NEK11: variants seen among roughly 807,000 people sequenced by gnomAD.
NEK11 encodes NIMA related kinase 11.
NEK11 carries 72 observed loss-of-function variants against 80.7 expected under a neutral mutation model. That is an observed-to-expected ratio of 0.89 (90% confidence interval 0.74 to 1.08). The LOEUF is 1.08. Ranked by LOEUF, NEK11 falls within the 50% of genes least tolerant of loss-of-function variation. The pLI is 0.00. For missense variants in NEK11, 764 were observed against 763.6 expected (o/e 1.00, Z -0.01); for synonymous variants, 251 against 260.7 (o/e 0.96, Z 0.36).
In NEK11 at chr3:131,232,582, C is replaced by T. The variant is rs190564834; in HGVS notation, c.1560+3894C>T. Among the ~76,000 whole-genome samples, 24 of 152,330 alleles carry T rather than the reference C, an allele frequency of 1.6e-4. 1 individual carries two copies. Among genetic ancestry groups the T allele is most frequent in the African/African-American group, 5.8e-4 (24 of 41,576 alleles). On this transcript the variant is annotated intron_variant, in intron 15 of 17. Transcript: ENST00000383366. Reference sequence around the variant, plus strand: ...CAGAGTTCCACTATTCCAGTTAATTCTGAAGTTCTCAATGCTTTTTCCCCA... The same window carrying T: ...CAGAGTTCCACTATTCCAGTTAATTTTGAAGTTCTCAATGCTTTTTCCCCA...
chr3:131,091,141 A>C (rs758231444), intron 4 of NEK11, among the ~76,000 whole-genome samples: 9 of 152,206 alleles, frequency 5.9e-5, no homozygotes, highest in Non-Finnish European at 1.2e-4. Flanking sequence ...AAATAGGAAG[A>C]ATAACTTAAG....
At chr3:131,043,738 C>T (rs2066898774) in intron 3 of NEK11, among the ~76,000 whole-genome samples, 1 of 152,186 alleles carries the variant, frequency 6.6e-6, no homozygotes, top group African/African-American at 2.4e-5. Flanking sequence ...GACAGGCCAA[C>T]ATTCAAATTC....
rs535851197 is a variant in NEK11 at position 131,342,297 on chromosome 3, G to A, written c.1719-7260G>A. Among the ~76,000 whole-genome samples, 5 of 152,234 alleles carry A rather than the reference G, an allele frequency of 3.3e-5. No individual in the cohort carries two copies. In the South Asian group the frequency reaches 8.3e-4, roughly 25 times the overall value. ...AAAATGTATCCTTAATGAAGATTCC[G>A]GATGCTTGTTAGCACCAAATGATTG... On this transcript the variant is annotated intron_variant, in intron 17 of 17. Transcript: ENST00000383366.
intron 14 of NEK11, among the ~76,000 whole-genome samples, chr3:131,227,684 TG>T (rs1194155221): frequency 1.3e-5 from 2 of 152,168 alleles, no homozygotes; most frequent in Non-Finnish European, 2.9e-5. Flanking sequence ...TTGCTGCAGC[TG>T]AGTATTCTAA....
intron 5 of NEK11, among the ~76,000 whole-genome samples, chr3:131,126,529 C>T (rs2083369070): frequency 6.6e-6 from 1 of 152,166 alleles, no homozygotes; most frequent in South Asian, 2.1e-4. Context: ...AAAATGTTAT[C>T]TCACTGTCTT....
At chr3:131,041,801 G>A (rs1396266706) in intron 3 of NEK11, among the ~76,000 whole-genome samples, 1 of 152,140 alleles carries the variant, frequency 6.6e-6, no homozygotes, top group Non-Finnish European at 1.5e-5. Context: ...TTCAAAAGGC[G>A]ATTCCAGGGC....
At chr3:131,186,261 T>A (rs2093596053) in intron 14 of NEK11, among the ~76,000 whole-genome samples, 1 of 152,226 alleles carries the variant, frequency 6.6e-6, no homozygotes, top group African/African-American at 2.4e-5. Flanking sequence ...TATTTGCTAT[T>A]GTTTTTGCGT....
intron 7 of NEK11, among the ~76,000 whole-genome samples, chr3:131,141,338 A>C (rs758294590): frequency 2.6e-5 from 4 of 152,164 alleles, no homozygotes; most frequent in Non-Finnish European, 2.9e-5. Flanking sequence ...TAGAGAGTGC[A>C]TGATTCCTGC....
chr3:131,133,174 A>G, intron 6 of NEK11: 1 of 438,200 alleles, frequency 2.3e-6, no homozygotes, highest in South Asian at 1.7e-5. Flanking sequence ...TCTCATTTAT[A>G]TTATTTCATC....
At chr3:131,245,291 T>G (rs1264963214) in intron 16 of NEK11, among the ~76,000 whole-genome samples, 3 of 135,710 alleles carry the variant, frequency 2.2e-5, no homozygotes, top group African/African-American at 6.7e-5. Flanking sequence ...TGTGGTTGAA[T>G]AGTATTCCAT....
chr3:131,252,698 C>A (rs2095731656), intron 16 of NEK11, among the ~76,000 whole-genome samples: 2 of 152,184 alleles, frequency 1.3e-5, no homozygotes, highest in South Asian at 4.2e-4. Context: ...ATCTGAATTA[C>A]CTAGAGGGCT....
intron 16 of NEK11, among the ~76,000 whole-genome samples, chr3:131,269,080 A>G (rs1192172428): frequency 6.6e-6 from 1 of 152,174 alleles, no homozygotes; most frequent in African/African-American, 2.4e-5. Flanking sequence ...GGGGAAAACC[A>G]CCTACTCAAG....
intron 16 of NEK11, among the ~76,000 whole-genome samples, chr3:131,249,436 G>C (rs889864534): frequency 2.0e-5 from 3 of 152,056 alleles, no homozygotes; most frequent in African/African-American, 7.2e-5. Context: ...TAGACCCCAG[G>C]TGCCTTTCTC....
chr3:131,331,484 G>A (rs1298992896), intron 17 of NEK11, among the ~76,000 whole-genome samples: 1 of 152,222 alleles, frequency 6.6e-6, no homozygotes, highest in Non-Finnish European at 1.5e-5. Flanking sequence ...GGGCAGCCAA[G>A]ATGGCCGAAT....
intron 4 of NEK11, 91 bp downstream of exon 4, chr3:131,080,679 C>A (rs2075121732): frequency 9.1e-7 from 1 of 1,094,258 alleles, no homozygotes; most frequent in Non-Finnish European, 1.3e-6. Flanking sequence ...GTCCAATTAT[C>A]ACACCATAAA....
Position 131,133,902 on chromosome 3 carries a change from A to T in NEK11, c.593A>T (p.Tyr198Phe), listed in dbSNP as rs746370617. The change falls in exon 7 of 18, where the codon TAT becomes TTT. Residue 198 changes from tyrosine to phenylalanine, a missense_variant. Physicochemically the swap from Tyr to Phe is conservative, Grantham distance 22 (BLOSUM62 3). Coordinates refer to ENST00000383366, the MANE Select transcript of NEK11 (RefSeq NM_024800.5). ...LATTLTGTPH[Y>F]MSPEALKHQG... ...ACAACTTTAACTGGAACTCCCCATT[A>T]TATGAGTCCTGAGGCTCTGAAACAC... The T allele has an allele frequency of 6.2e-7, 1 of 1,612,994 alleles. No individual in the cohort carries two copies. The highest frequency in any genetic ancestry group is 2.2e-5 in the East Asian group (1 of 44,844).
At chr3:131,148,036 A>G (rs1185173488) in intron 7 of NEK11, among the ~76,000 whole-genome samples, 1 of 151,806 alleles carries the variant, frequency 6.6e-6, no homozygotes, top group East Asian at 1.9e-4. Flanking sequence ...GTTCCCTCCT[A>G]TATCTGGTGT....
intron 4 of NEK11, among the ~76,000 whole-genome samples, chr3:131,094,441 A>G (rs2077149440): frequency 6.6e-6 from 1 of 152,068 alleles, no homozygotes; most frequent in Non-Finnish European, 1.5e-5. Context: ...GTGTTTTCCA[A>G]GGGGGGTGGA....
Position 131,244,839 on chromosome 3 carries a change from C to T in NEK11, c.1621+1343C>T, listed in dbSNP as rs1478143475. 3.9e-5 allele frequency among the ~76,000 whole-genome samples: 6 copies of T among 152,146 alleles called. No individual in the cohort carries two copies. The East Asian group carries it at 1.2e-3, about 30-fold the overall frequency. On this transcript the variant is annotated intron_variant, in intron 16 of 17. Coordinates refer to ENST00000383366, the MANE Select transcript of NEK11 (RefSeq NM_024800.5). Reference sequence around the variant, plus strand: ...CATGGGATGCTGAAACTAGGAGATTCCTTGAGCCCAAGAGATTTAGGCTGC... The same window carrying T: ...CATGGGATGCTGAAACTAGGAGATTTCTTGAGCCCAAGAGATTTAGGCTGC...
Sources: gnomAD v4.1 joint callset for allele counts (sites outside exome capture counted in the v4.1 genomes callset) on GRCh38, gnomAD v4.1.1 for gene constraint, MANE v1.5 for transcripts, NCBI Gene and HGNC (gene_info 2026-07-23, HGNC 2026-07-21) for gene names.